ZNF737: variants seen among roughly 807,000 people sequenced by gnomAD.
ZNF737 encodes zinc finger protein 737.
Under a neutral mutation model 11.7 loss-of-function variants are expected in ZNF737, and 13 were observed. That is an observed-to-expected ratio of 1.11 (90% CI 0.73 to 1.77). ZNF737 has a LOEUF of 1.77. Among genes scored for constraint, ZNF737 ranks in the 40% most tolerant of loss-of-function variants. The pLI is 0.00. For synonymous variants in ZNF737, 217 were observed against 216.2 expected (o/e 1.00, Z -0.03); for missense variants, 636 against 638.0 (o/e 1.00, Z 0.03).
chr19:20,552,795 C>T (rs1305221525), intron 2 of ZNF737, among the ~76,000 whole-genome samples: 2 of 151,868 alleles, frequency 1.3e-5, no homozygotes, highest in Admixed American at 6.6e-5. Flanking sequence ...GGGTGAATCA[C>T]GAGGTCATGA....
chr19:20,556,406 A>G (rs1431541296), intron 1 of ZNF737, among the ~76,000 whole-genome samples: 1 of 152,146 alleles, frequency 6.6e-6, no homozygotes, highest in Non-Finnish European at 1.5e-5. Flanking sequence ...CCACTAAGCT[A>G]AGCATTGCCT....
intron 1 of ZNF737, among the ~76,000 whole-genome samples, chr19:20,557,737 C>T (rs1568435363): frequency 6.6e-6 from 1 of 151,788 alleles, no homozygotes; most frequent in African/African-American, 2.4e-5. Flanking sequence ...CTCTCTCAGC[C>T]TCCTGAGTAG....
intron 3 of ZNF737, among the ~76,000 whole-genome samples, chr19:20,548,964 A>AAAAAAAAAC (rs1555757649): frequency 6.4e-5 from 7 of 109,946 alleles, no homozygotes; most frequent in African/African-American, 2.4e-4. Flanking sequence ...GAAAAACTGA[A>AAAAAAAAAC]AAAAAAAAAA....
At chr19:20,551,531 A>G (rs1454785359) in intron 3 of ZNF737, among the ~76,000 whole-genome samples, 1 of 152,074 alleles carries the variant, frequency 6.6e-6, no homozygotes. Flanking sequence ...TTACATTTTA[A>G]AAACCATAAA....
intron 1 of ZNF737, among the ~76,000 whole-genome samples, chr19:20,560,318 T>C (rs577338496): frequency 6.6e-6 from 1 of 152,046 alleles, no homozygotes; most frequent in South Asian, 2.1e-4. Flanking sequence ...CATGGCACTC[T>C]AGCCTGGGCA....
chr19:20,542,024 T>C lies in ZNF737; in HGVS notation c.*2568A>G. On this transcript the variant is annotated 3_prime_UTR_variant, in exon 4 of 4. Transcript: ENST00000427401. Reference sequence around the variant, plus strand: ...CAAAATTTAATCTATGGGAACAATATTTAACTCATTTGCAGTTTAAAGCCA... The same window carrying C: ...CAAAATTTAATCTATGGGAACAATACTTAACTCATTTGCAGTTTAAAGCCA... 1.0e-6 allele frequency: 1 copy of C among 984,520 alleles called. No individual in the cohort carries two copies. Among genetic ancestry groups the C allele is most frequent in the Non-Finnish European group, 1.2e-6 (1 of 829,172 alleles). 61.0% of individuals were successfully genotyped at this position (984,520 alleles called of 1,614,324 possible). A position where few individuals can be genotyped will look rare whatever the true frequency, so the allele number is the denominator to read the frequency against.
At chr19:20,552,326 A>T (rs1177521255) in intron 3 of ZNF737, 149 bp downstream of exon 3, 3 of 525,858 alleles carry the variant, frequency 5.7e-6, no homozygotes, top group Admixed American at 4.5e-5. Flanking sequence ...AGCAAAATTT[A>T]AAAAAGAAAA....
chr19:20,533,675 T>C (rs1464076886), downstream of ZNF737, among the ~76,000 whole-genome samples: 4 of 150,108 alleles, frequency 2.7e-5, no homozygotes, highest in African/African-American at 9.8e-5. Flanking sequence ...TGTAAAGCTG[T>C]GTGGTATATA....
At chr19:20,556,924 G>T (rs914878268) in intron 1 of ZNF737, among the ~76,000 whole-genome samples, 1 of 152,116 alleles carries the variant, frequency 6.6e-6, no homozygotes, top group Non-Finnish European at 1.5e-5. Context: ...GGTACTAAGG[G>T]TTTAATAGTT....
rs1968378378 is a variant in ZNF737 at position 20,544,957 on chromosome 19, T to C, written c.1246A>G (p.Lys416Glu). The C allele has an allele frequency of 1.9e-6, 3 of 1,613,160 alleles. No homozygotes were observed. The highest frequency in any genetic ancestry group is 1.7e-6 in the Non-Finnish European group (2 of 1,179,594). Residue 416 changes from lysine to glutamate, a missense_variant, in exon 4 of 4, where the codon AAG becomes GAG. Physicochemically the swap from Lys to Glu is moderately conservative, Grantham distance 56. Transcript: ENST00000427401. ...FKYSSSLTTHKIIHTGQQPFK... is the reference protein window; with the variant it reads ...FKYSSSLTTHEIIHTGQQPFK... ...GGTTGCTGTCCAGTATGGATTATCT[T>C]ATGTGTAGTAAGGGAAGAGGAGTAC... is the stretch of plus-strand genomic sequence containing the variant.
In ZNF737 at chr19:20,542,487, C is replaced by T. The variant is rs1417937616; in HGVS notation, c.*2105G>A. On this transcript the variant is annotated 3_prime_UTR_variant, in exon 4 of 4. Coordinates refer to ENST00000427401, the MANE Select transcript of ZNF737 (RefSeq NM_001159293.2). ...CCTCAGGTGATCTGCCCACCTTGGC[C>T]TCCCAAAGTGCTGAAATTACAGGCA... The T allele has an allele frequency of 6.7e-6, 6 of 902,042 alleles. No individual in the cohort carries two copies. In the African/African-American group the frequency reaches 1.1e-4, roughly 16 times the overall value. 55.9% of individuals were successfully genotyped at this position (902,042 alleles called of 1,614,324 possible).
chr19:20,530,712 C>T, the ZNF737 span, among the ~76,000 whole-genome samples: 1,567 of 148,220 alleles, frequency 0.011, 91 homozygotes, highest in African/African-American at 0.034. Flanking sequence ...GATGGGATGG[C>T]GGCCGGGCAG....
intron 1 of ZNF737, among the ~76,000 whole-genome samples, chr19:20,557,927 T>G (rs1968950368): frequency 6.6e-6 from 1 of 152,086 alleles, no homozygotes; most frequent in Non-Finnish European, 1.5e-5. Context: ...TCTAGGGTAA[T>G]TTTATTAGAA....
Position 20,565,717 on chromosome 19 carries a change from TGGGCCTCTAG to T in ZNF737, c.-87_-78del. On this transcript the variant is annotated 5_prime_UTR_variant, in exon 1 of 4. Transcript: ENST00000427401. ...CTGCAGGACACAGGGCCACAGAGGC[TGGGCCTCTAG>T]GAGCAGAGGACACACAGCAGTGAAG... is the stretch of plus-strand genomic sequence containing the variant. The T allele has an allele frequency of 6.2e-7, 1 of 1,602,122 alleles. No homozygotes were observed. The highest frequency in any genetic ancestry group is 8.6e-7 in the Non-Finnish European group (1 of 1,169,058).
chr19:20,534,209 A>T (rs1338628832), downstream of ZNF737, among the ~76,000 whole-genome samples: 1 of 150,194 alleles, frequency 6.7e-6, no homozygotes, highest in Admixed American at 6.6e-5. Flanking sequence ...TGGGAGGCCG[A>T]GTCAGGCAGA....
intron 1 of ZNF737, among the ~76,000 whole-genome samples, chr19:20,561,186 T>C (rs1207051750): frequency 6.6e-6 from 1 of 152,220 alleles, no homozygotes; most frequent in African/African-American, 2.4e-5. Context: ...CGCAGACATA[T>C]GAGATTATGA....
rs782739781 is a variant in ZNF737 at position 20,545,315 on chromosome 19, G to A, written c.888C>T (p.Arg296=). The A allele has an allele frequency of 6.8e-6, 11 of 1,612,090 alleles. No individual in the cohort carries two copies. In the East Asian group the frequency reaches 2.5e-4, roughly 36 times the overall value. The part of the protein sequence containing the change: ...KCEECGKAFK[R]SSILTAHKII... ...TCTTATGCGCAGTAAGGATAGAGGA[G>A]CGCTTAAAGGCCTTGCCACATTCTT... The change falls in exon 4 of 4, where the codon CGC becomes CGT. Residue 296 remains arginine, a synonymous_variant. Transcript: ENST00000427401.
chr19:20,551,542 C>G (rs1336303870), intron 3 of ZNF737, among the ~76,000 whole-genome samples: 2 of 150,252 alleles, frequency 1.3e-5, no homozygotes, highest in Non-Finnish European at 3.0e-5. Context: ...AAACCATAAA[C>G]AGTACATTAA....
chr19:20,560,091 G>A (rs1339905161), intron 1 of ZNF737, among the ~76,000 whole-genome samples: 7 of 149,292 alleles, frequency 4.7e-5, no homozygotes, highest in East Asian at 2.0e-4. Flanking sequence ...GCGTGAACCC[G>A]GGAAGCGGAG....
Sources: allele counts gnomAD v4.1 joint callset (sites outside exome capture counted in the v4.1 genomes callset), GRCh38; gene constraint gnomAD v4.1.1; transcripts MANE v1.5; gene names NCBI Gene and HGNC (gene_info 2026-07-23, HGNC 2026-07-21).